RSPO3: variants seen among roughly 807,000 people sequenced by gnomAD.
RSPO3 encodes R-spondin 3.
A neutral mutation model predicts 36.5 loss-of-function variants in RSPO3; 17 were observed. That is an observed-to-expected ratio of 0.47 (90% confidence interval 0.32 to 0.70). The LOEUF is 0.70. Ranked by LOEUF, RSPO3 falls within the 30% of genes least tolerant of loss-of-function variation. The probability of loss-of-function intolerance (pLI) is 0.04; values close to 1 mark genes in which losing one functional copy is unlikely to be tolerated. For missense variants in RSPO3, 294 were observed against 322.5 expected (o/e 0.91, Z 0.68); for synonymous variants, 108 against 107.0 (o/e 1.01, Z -0.06).
intron 1 of RSPO3, among the ~76,000 whole-genome samples, chr6:127,121,600 C>T (rs1298102526): frequency 1.3e-5 from 2 of 152,126 alleles, no homozygotes; most frequent in Non-Finnish European, 2.9e-5. Context: ...TCGGAGGAGA[C>T]AGACTAGACT....
rs560991624 is a variant in RSPO3, at chr6:127,198,292, C to A, written c.*2285C>A. 2.0e-4 allele frequency among the ~76,000 whole-genome samples: 31 copies of A among 152,302 alleles called. 1 individual carries two copies. In the South Asian group the frequency reaches 2.9e-3, roughly 14 times the overall value. On this transcript the variant is annotated 3_prime_UTR_variant, in exon 5 of 5. Transcript: ENST00000356698. ...GGAAAAAGAAATAAAAACTAACATT[C>A]ATTTTCATATGTTGGATGAAATATA...
chr6:127,166,460 T>G (rs1192913865), intron 4 of RSPO3, among the ~76,000 whole-genome samples: 1 of 152,052 alleles, frequency 6.6e-6, no homozygotes, highest in Non-Finnish European at 1.5e-5. Flanking sequence ...TCAGTTGTGC[T>G]TTTTAACTAT....
chr6:127,177,765 A>G lies in RSPO3; in HGVS notation c.635-18058A>G, dbSNP rs1436566158. ...ACAAAGGAGAAAAGGACTTGCAAGAAGCCAATTTTTTTTTTTATGAATGTG... is the reference window on the plus strand; with the variant it reads ...ACAAAGGAGAAAAGGACTTGCAAGAGGCCAATTTTTTTTTTTATGAATGTG... On this transcript the variant is annotated intron_variant, in intron 4 of 4. Transcript: ENST00000356698. Among the ~76,000 whole-genome samples the G allele has an allele frequency of 5.9e-5, 9 of 151,904 alleles. No individual in the cohort carries two copies. In the East Asian group the frequency reaches 1.8e-3, roughly 30 times the overall value.
chr6:127,135,168 T>C (rs770637581), intron 1 of RSPO3, among the ~76,000 whole-genome samples: 2 of 152,182 alleles, frequency 1.3e-5, no homozygotes, highest in Non-Finnish European at 2.9e-5. Flanking sequence ...ACGCCTGTAA[T>C]CCCAGCACTT....
intron 4 of RSPO3, among the ~76,000 whole-genome samples, chr6:127,182,810 A>T (rs936987845): frequency 5.3e-5 from 8 of 151,960 alleles, no homozygotes; most frequent in African/African-American, 1.9e-4. Context: ...GTGTAGTGCC[A>T]CTTCAAAAGA....
intron 4 of RSPO3, among the ~76,000 whole-genome samples, chr6:127,156,845 G>C (rs1322643173): frequency 6.6e-6 from 1 of 152,128 alleles, no homozygotes; most frequent in Non-Finnish European, 1.5e-5. Flanking sequence ...CTGCAAACTT[G>C]AACATTGCTT....
intron 4 of RSPO3, among the ~76,000 whole-genome samples, chr6:127,169,682 T>A (rs1774898228): frequency 6.6e-6 from 1 of 151,854 alleles, no homozygotes; most frequent in African/African-American, 2.4e-5. Flanking sequence ...AGAAAAGAAA[T>A]GTGAATCCCA....
rs1466579748 is a variant in RSPO3, at chr6:127,119,302, T to A, written c.97+13T>A. On this transcript the variant is annotated intron_variant, in intron 1 of 4. Coordinates refer to ENST00000356698, the MANE Select transcript of RSPO3 (RefSeq NM_032784.5). ...CGCCAGCGAAGAAGTAAGTGCAGGG[T>A]TTTTTACGCGTTTGCTCCCTCCCGC... The A allele has an allele frequency of 1.9e-6, 3 of 1,598,048 alleles. No homozygotes were observed. Among genetic ancestry groups the A allele is most frequent in the East Asian group, 2.2e-5 (1 of 44,644 alleles).
chr6:127,186,027 T>C (rs1347897033), intron 4 of RSPO3, among the ~76,000 whole-genome samples: 1 of 152,136 alleles, frequency 6.6e-6, no homozygotes, highest in Non-Finnish European at 1.5e-5. Flanking sequence ...AAAAATCAAA[T>C]GATAAATGCC....
intron 2 of RSPO3, among the ~76,000 whole-genome samples, chr6:127,149,300 G>A (rs1477074138): frequency 6.6e-6 from 1 of 152,152 alleles, no homozygotes; most frequent in East Asian, 1.9e-4. Flanking sequence ...TCACACTGCA[G>A]ACCCAGGGAC....
intron 1 of RSPO3, among the ~76,000 whole-genome samples, chr6:127,126,869 C>A (rs1773948540): frequency 1.3e-5 from 2 of 152,040 alleles, no homozygotes; most frequent in Admixed American, 1.3e-4. Flanking sequence ...GCCCCCTAAG[C>A]TCTCCCCCTT....
chr6:127,120,915 C>T (rs955524282), intron 1 of RSPO3, among the ~76,000 whole-genome samples: 5 of 152,268 alleles, frequency 3.3e-5, no homozygotes, highest in African/African-American at 1.2e-4. Flanking sequence ...GAAGGGGAGG[C>T]CTGGGGTTCA....
rs375665039 is a variant in RSPO3 at position 127,119,173 on chromosome 6, G to T, written c.-20G>T. ...ATCAAAAGAAAGAGGAGAAAGGAAG[G>T]GAAGCATTACTGGGTTACTATGCAC... On this transcript the variant is annotated 5_prime_UTR_variant, in exon 1 of 5. Transcript: ENST00000356698. 1 of 1,519,702 alleles carries T rather than the reference G, an allele frequency of 6.6e-7. No individual in the cohort carries two copies. Among genetic ancestry groups the T allele is most frequent in the African/African-American group, 1.4e-5 (1 of 72,744 alleles). 94.1% of individuals were successfully genotyped at this position (1,519,702 alleles called of 1,614,324 possible).
chr6:127,122,581 G>T (rs1430635744), intron 1 of RSPO3, among the ~76,000 whole-genome samples: 3 of 152,108 alleles, frequency 2.0e-5, no homozygotes, highest in Admixed American at 6.5e-5. Context: ...CTAGCAAGTG[G>T]AACTTGTCTC....
chr6:127,197,591 T>A lies in RSPO3; in HGVS notation c.*1584T>A. 1 of 1,512,626 alleles carries A rather than the reference T, an allele frequency of 6.6e-7. No homozygotes were observed. Among genetic ancestry groups the A allele is most frequent in the Non-Finnish European group, 8.9e-7 (1 of 1,129,500 alleles). The allele number at this position is 1,512,626 out of a possible 1,614,324, so 93.7% of individuals were successfully genotyped here. ...GCACGGCTGCTCTGTCCACTGTGAT[T>A]CCTAGCCCTCTCAAGATCACTGCTT... On this transcript the variant is annotated 3_prime_UTR_variant, in exon 5 of 5. Coordinates refer to ENST00000356698, the MANE Select transcript of RSPO3 (RefSeq NM_032784.5).
Position 127,185,213 on chromosome 6 carries a change from T to C in RSPO3, c.635-10610T>C, listed in dbSNP as rs547028103. ...TAATTACAAGGACCTATCTTGATGATTGTGGAAATGGATGTTGAAAGTATT... is the reference window on the plus strand; with the variant it reads ...TAATTACAAGGACCTATCTTGATGACTGTGGAAATGGATGTTGAAAGTATT... On this transcript the variant is annotated intron_variant, in intron 4 of 4. Transcript: ENST00000356698. Among the ~76,000 whole-genome samples, 8 of 152,142 alleles carry C rather than the reference T, an allele frequency of 5.3e-5. No homozygotes were observed. In the East Asian group the frequency reaches 7.8e-4, roughly 15 times the overall value.
intron 1 of RSPO3, among the ~76,000 whole-genome samples, chr6:127,142,380 A>C (rs1420569071): frequency 6.6e-6 from 1 of 152,186 alleles, no homozygotes; most frequent in Non-Finnish European, 1.5e-5. Flanking sequence ...AGAGACAGCC[A>C]AATAATTCAA....
intron 1 of RSPO3, among the ~76,000 whole-genome samples, chr6:127,128,459 G>C (rs1400129476): frequency 6.6e-6 from 1 of 151,812 alleles, no homozygotes; most frequent in African/African-American, 2.4e-5. Flanking sequence ...ATTGTTTAAA[G>C]TAGTTCTGGT....
Position 127,197,413 on chromosome 6 carries a change from T to C in RSPO3, c.*1406T>C. On this transcript the variant is annotated 3_prime_UTR_variant, in exon 5 of 5. Coordinates refer to ENST00000356698, the MANE Select transcript of RSPO3 (RefSeq NM_032784.5). ...TTTTCTTCTCCATATTTTCTATCTG[T>C]GGATCTCTTTAGGGGATTGAAGTCA... 1.3e-6 allele frequency: 2 copies of C among 1,550,378 alleles called. No individual in the cohort carries two copies. Among genetic ancestry groups the C allele is most frequent in the Admixed American group, 2.0e-5 (1 of 50,992 alleles).
Sources: allele counts gnomAD v4.1 joint callset (sites outside exome capture counted in the v4.1 genomes callset), GRCh38; gene constraint gnomAD v4.1.1; transcripts MANE v1.5; gene names NCBI Gene and HGNC (gene_info 2026-07-23, HGNC 2026-07-21).